Variants in CMIP observed in about 807,000 individuals in gnomAD.
The protein encoded by CMIP is c-Maf inducing protein.
Under a neutral mutation model 97.3 loss-of-function variants are expected in CMIP, and 13 were observed. The ratio of observed to expected loss-of-function variants is 0.13; its 90% CI spans 0.09 to 0.21. CMIP has a LOEUF of 0.21. Among genes scored for constraint, CMIP ranks in the 10% least tolerant of loss-of-function variants. CMIP has a pLI of 1.00. For missense variants in CMIP, 847 were observed against 1,024.9 expected (o/e 0.83, Z 2.37); for synonymous variants, 538 against 436.3 (o/e 1.23, Z -2.91).
In CMIP at chr16:81,572,345, C is replaced by T. The variant is rs114330750; in HGVS notation, c.301-35222C>T. ...CTGTTTCTGTGAATGAACGCGGTCG[C>T]TCTTGGAAAGAGCCCCCACCACCTT... is the stretch of plus-strand genomic sequence containing the variant. On this transcript the variant is annotated intron_variant, in intron 1 of 20. Coordinates refer to ENST00000537098, the MANE Select transcript of CMIP (RefSeq NM_198390.3). 2.6e-3 allele frequency among the ~76,000 whole-genome samples: 395 copies of T among 152,326 alleles called. 4 individuals carry two copies. The highest frequency in any genetic ancestry group is 9.1e-3 in the African/African-American group (379 of 41,576).
At chr16:81,477,269 C>T (rs911908191) in intron 1 of CMIP, among the ~76,000 whole-genome samples, 2 of 152,076 alleles carry the variant, frequency 1.3e-5, no homozygotes, top group East Asian at 1.9e-4. Context: ...AATTTCCTGT[C>T]CCAGCTTCCT....
intron 10 of CMIP, among the ~76,000 whole-genome samples, chr16:81,690,514 A>AT (rs1451083267): frequency 6.6e-6 from 1 of 152,052 alleles, no homozygotes; most frequent in Non-Finnish European, 1.5e-5. Flanking sequence ...TGAGTTATTT[A>AT]TTTTTTTGAG....
At chr16:81,481,403 A>G (rs187997267) in intron 1 of CMIP, among the ~76,000 whole-genome samples, 24 of 152,344 alleles carry the variant, frequency 1.6e-4, no homozygotes, top group Admixed American at 5.9e-4. Flanking sequence ...AAGGCTGAGA[A>G]GCTTTCCCAA....
intron 1 of CMIP, among the ~76,000 whole-genome samples, chr16:81,456,947 ACCTGCCCTCG>A (rs1437882191): frequency 1.3e-5 from 2 of 152,070 alleles, no homozygotes; most frequent in Non-Finnish European, 2.9e-5. Context: ...ATCGCTTCTC[ACCTGCCCTCG>A]TTGAACCTGG....
chr16:81,702,197 T>G (rs1427640045), intron 16 of CMIP, among the ~76,000 whole-genome samples: 1 of 152,232 alleles, frequency 6.6e-6, no homozygotes, highest in Non-Finnish European at 1.5e-5. Flanking sequence ...TCATGCCTTC[T>G]GATCTCCTGG....
intron 1 of CMIP, among the ~76,000 whole-genome samples, chr16:81,605,240 G>GGCAC: frequency 6.6e-6 from 1 of 152,314 alleles, no homozygotes; most frequent in East Asian, 1.9e-4. Flanking sequence ...GTGACTTTGA[G>GGCAC]GCACGCTGCA....
chr16:81,569,915 G>A (rs2091053267), intron 1 of CMIP, among the ~76,000 whole-genome samples: 1 of 152,146 alleles, frequency 6.6e-6, no homozygotes, highest in African/African-American at 2.4e-5. Context: ...GGTAGGTGCT[G>A]TCTAAGCGTT....
chr16:81,551,061 C>G (rs1179648856), intron 1 of CMIP, among the ~76,000 whole-genome samples: 1 of 146,334 alleles, frequency 6.8e-6, no homozygotes, highest in South Asian at 2.3e-4. Context: ...ACCCCAGTCC[C>G]GTCACACGCA....
At chr16:81,575,260 GT>G (rs2091168592) in intron 1 of CMIP, among the ~76,000 whole-genome samples, 1 of 152,314 alleles carries the variant, frequency 6.6e-6, no homozygotes, top group East Asian at 1.9e-4. Context: ...GTCATGCAGT[GT>G]TGGAATGGGG....
At chr16:81,701,989 G>T (rs1337720249) in intron 16 of CMIP, among the ~76,000 whole-genome samples, 189 bp downstream of exon 16, 2 of 152,196 alleles carry the variant, frequency 1.3e-5, no homozygotes, top group African/African-American at 4.8e-5. Flanking sequence ...GCAATCCCCA[G>T]AGTCACACAG....
At chr16:81,708,093 G>T (rs981443651) in intron 20 of CMIP, among the ~76,000 whole-genome samples, 2 of 152,250 alleles carry the variant, frequency 1.3e-5, no homozygotes, top group Non-Finnish European at 2.9e-5. Context: ...CCCTTCCGGG[G>T]GATAGTCCCT....
intron 1 of CMIP, among the ~76,000 whole-genome samples, chr16:81,477,256 A>G (rs1200928601): frequency 6.6e-6 from 1 of 152,124 alleles, no homozygotes; most frequent in African/African-American, 2.4e-5. Flanking sequence ...CCTGGGTTCA[A>G]GTAATTTCCT....
intron 1 of CMIP, among the ~76,000 whole-genome samples, chr16:81,567,329 G>T (rs544936985): frequency 1.3e-5 from 2 of 152,380 alleles, no homozygotes; most frequent in African/African-American, 4.8e-5. Flanking sequence ...CGCTGCTACA[G>T]GGCGGAATCC....
intron 1 of CMIP, among the ~76,000 whole-genome samples, chr16:81,531,797 G>T (rs966648699): frequency 6.6e-6 from 1 of 152,208 alleles, no homozygotes; most frequent in African/African-American, 2.4e-5. Flanking sequence ...CACCAGGAAG[G>T]GGGAAACAGA....
intron 1 of CMIP, among the ~76,000 whole-genome samples, chr16:81,513,648 C>G (rs1221673193): frequency 1.3e-5 from 2 of 152,210 alleles, no homozygotes; most frequent in African/African-American, 4.8e-5. Flanking sequence ...GCTGTGCAGA[C>G]CCGTGGGTCT....
At chr16:81,492,821 C>T (rs142978132) in intron 1 of CMIP, among the ~76,000 whole-genome samples, 140 of 96,590 alleles carry the variant, frequency 1.4e-3, no homozygotes, top group Non-Finnish European at 2.4e-3. Flanking sequence ...CGTGGGGGGT[C>T]GGGGAGAAAT....
At chr16:81,549,235 C>T (rs1227666223) in intron 1 of CMIP, among the ~76,000 whole-genome samples, 2 of 152,196 alleles carry the variant, frequency 1.3e-5, no homozygotes, top group African/African-American at 2.4e-5. Flanking sequence ...GGGTGACCAG[C>T]CTGAGGGTTG....
chr16:81,466,505 GTT>G (rs1567529821), intron 1 of CMIP, among the ~76,000 whole-genome samples: 2 of 152,336 alleles, frequency 1.3e-5, no homozygotes, highest in South Asian at 4.1e-4. Context: ...GCGAGCCTCA[GTT>G]TCCTTGTCTG....
chr16:81,639,527 A>G (rs536299247), intron 3 of CMIP, among the ~76,000 whole-genome samples: 1 of 152,258 alleles, frequency 6.6e-6, no homozygotes, highest in South Asian at 2.1e-4. Context: ...TGGCTGCCTT[A>G]TCTCAGCCTA....
Sources: allele counts gnomAD v4.1 joint callset (sites outside exome capture counted in the v4.1 genomes callset), GRCh38; gene constraint gnomAD v4.1.1; transcripts MANE v1.5; gene names NCBI Gene and HGNC (gene_info 2026-07-23, HGNC 2026-07-21).